The following ADCYAP1R1 variants were observed in gnomAD, a reference collection of about 807,000 sequenced individuals.
The protein encoded by ADCYAP1R1 is ADCYAP receptor type I.
In ADCYAP1R1, 44 loss-of-function variants were observed where a neutral mutation model predicts 67.6. That is an observed-to-expected ratio of 0.65 (90% CI 0.51 to 0.84). ADCYAP1R1 has a LOEUF of 0.84. Ranked by LOEUF, ADCYAP1R1 falls within the 40% of genes least tolerant of loss-of-function variation. The pLI is 0.00. For missense variants in ADCYAP1R1, 477 were observed against 587.9 expected, an observed-to-expected ratio of 0.81 and a Z score of 1.95; for synonymous variants, 222 against 219.6, an observed-to-expected ratio of 1.01 and a Z score of -0.10.
intron 1 of ADCYAP1R1, among the ~76,000 whole-genome samples, chr7:31,057,795 C>T (rs1194785558): frequency 1.3e-5 from 2 of 152,286 alleles, no homozygotes; most frequent in African/African-American, 4.8e-5. Context: ...GAAGTAGGGG[C>T]GGTCCAGCTC....
intron 7 of ADCYAP1R1, 97 bp from the exon 8 acceptor site, chr7:31,084,640 G>A (rs1795661344): frequency 1.0e-6 from 1 of 968,938 alleles, no homozygotes; most frequent in Non-Finnish European, 1.7e-6. Context: ...CCTGGAGGTG[G>A]GCAGGCCCTG....
chr7:31,053,795 G>A (rs1015250719), intron 1 of ADCYAP1R1, among the ~76,000 whole-genome samples: 2 of 152,194 alleles, frequency 1.3e-5, no homozygotes, highest in African/African-American at 4.8e-5. Context: ...GAGGAGTTGG[G>A]GGATGGGAAG....
intron 1 of ADCYAP1R1, among the ~76,000 whole-genome samples, chr7:31,055,006 A>T (rs1266926739): frequency 1.3e-5 from 2 of 152,350 alleles, no homozygotes; most frequent in South Asian, 4.1e-4. Flanking sequence ...CCGCCTGGCA[A>T]GATGGAGACT....
intron 3 of ADCYAP1R1, among the ~76,000 whole-genome samples, chr7:31,076,875 G>A (rs1186833704): frequency 1.3e-5 from 2 of 152,126 alleles, no homozygotes; most frequent in Admixed American, 1.3e-4. Flanking sequence ...AGGGGCTAGG[G>A]TGGGCATGTG....
intron 1 of ADCYAP1R1, among the ~76,000 whole-genome samples, chr7:31,060,073 C>G (rs114528998): frequency 0.032 from 4,927 of 151,796 alleles, 262 homozygotes; most frequent in African/African-American, 0.11. Flanking sequence ...ACACACCTGT[C>G]TCCTAGTAAG....
intron 3 of ADCYAP1R1, among the ~76,000 whole-genome samples, chr7:31,076,079 T>C (rs1464206994): frequency 6.6e-6 from 1 of 152,196 alleles, no homozygotes; most frequent in Non-Finnish European, 1.5e-5. Flanking sequence ...AGCAGGCAAC[T>C]AGCTGTGGGC....
chr7:31,060,238 G>C (rs1794441447), intron 1 of ADCYAP1R1, among the ~76,000 whole-genome samples: 1 of 152,204 alleles, frequency 6.6e-6, no homozygotes, highest in Non-Finnish European at 1.5e-5. Context: ...ATGTGTGCGT[G>C]CATGTACACA....
At chr7:31,095,326 G>A (rs1411059420) in intron 13 of ADCYAP1R1, among the ~76,000 whole-genome samples, 2 of 152,148 alleles carry the variant, frequency 1.3e-5, no homozygotes, top group African/African-American at 2.4e-5. Context: ...TGACAGCACC[G>A]TCATCCCTGT....
chr7:31,091,516 G>A (rs749652464), intron 12 of ADCYAP1R1, among the ~76,000 whole-genome samples: 32 of 152,078 alleles, frequency 2.1e-4, no homozygotes, highest in Non-Finnish European at 4.6e-4. Context: ...GTGGTTCCTA[G>A]GTTTTCTTCT....
At chr7:31,099,949 C>T (rs1391991129) in intron 13 of ADCYAP1R1, among the ~76,000 whole-genome samples, 6 of 152,224 alleles carry the variant, frequency 3.9e-5, no homozygotes, top group South Asian at 2.1e-4. Context: ...CACGTATAGG[C>T]GTGCGTTTCT....
At chr7:31,090,991 C>T (rs1387339509) in intron 12 of ADCYAP1R1, among the ~76,000 whole-genome samples, 4 of 152,222 alleles carry the variant, frequency 2.6e-5, no homozygotes, top group Admixed American at 6.5e-5. Context: ...TGAGAAATCT[C>T]CAAACTACTT....
At chr7:31,079,468 G>A (rs757914039) in intron 4 of ADCYAP1R1, among the ~76,000 whole-genome samples, 30 of 152,248 alleles carry the variant, frequency 2.0e-4, no homozygotes, top group Non-Finnish European at 2.6e-4. Context: ...TCCAGCCTAA[G>A]GCTTAGGCTG....
At chr7:31,101,120 C>G (rs1796416780) in intron 13 of ADCYAP1R1, among the ~76,000 whole-genome samples, 1 of 152,192 alleles carries the variant, frequency 6.6e-6, no homozygotes, top group Non-Finnish European at 1.5e-5. Context: ...GCCAAAGTGG[C>G]CACCGGGATG....
At chr7:31,097,613 A>G (rs1359563772) in intron 13 of ADCYAP1R1, among the ~76,000 whole-genome samples, 3 of 152,152 alleles carry the variant, frequency 2.0e-5, no homozygotes, top group Admixed American at 2.0e-4. Flanking sequence ...TTTCCCAGTG[A>G]ACTTGTCACT....
intron 12 of ADCYAP1R1, among the ~76,000 whole-genome samples, chr7:31,090,550 T>C (rs1795923581): frequency 1.3e-5 from 2 of 152,192 alleles, no homozygotes; most frequent in African/African-American, 2.4e-5. Context: ...ACAGTTAGTT[T>C]TTCATCCCTT....
chr7:31,069,500 A>T (rs942374635), intron 3 of ADCYAP1R1, among the ~76,000 whole-genome samples: 3 of 152,178 alleles, frequency 2.0e-5, no homozygotes, highest in South Asian at 2.1e-4. Flanking sequence ...ATATACTTGT[A>T]TATATTTTGT....
chr7:31,089,957 T>C (rs1795898152), intron 12 of ADCYAP1R1, among the ~76,000 whole-genome samples: 1 of 152,214 alleles, frequency 6.6e-6, no homozygotes, highest in South Asian at 2.1e-4. Context: ...GGTACACGTG[T>C]GTGTGTATCT....
intron 13 of ADCYAP1R1, among the ~76,000 whole-genome samples, chr7:31,094,726 G>A (rs1207840195): frequency 1.3e-5 from 2 of 152,092 alleles, no homozygotes; most frequent in African/African-American, 4.8e-5. Flanking sequence ...GGTTCTCCAC[G>A]GACCAGGAGC....
At position 31,052,340 on chromosome 7, in the gene ADCYAP1R1, C is replaced by G. The variant is rs1340960595; in HGVS notation, c.-410C>G. 1.3e-5 allele frequency: 2 copies of G among 152,034 alleles called. No homozygotes were observed. The highest frequency in any genetic ancestry group is 1.5e-5 in the Non-Finnish European group (1 of 67,980). The allele number at this position is 152,034 out of a possible 1,614,324, so 9.4% of individuals were successfully genotyped here. A position where few individuals can be genotyped will look rare whatever the true frequency, so the allele number is the denominator to read the frequency against. On this transcript the variant is annotated 5_prime_UTR_variant, in exon 1 of 16. Transcript: ENST00000304166. ...TCCAGCGCCCAGCCTGGCTTCGCGG[C>G]GGAGGCGGCGCCTCTCCCGCAGGAC...
Sources: gnomAD v4.1 joint callset for allele counts (sites outside exome capture counted in the v4.1 genomes callset) on GRCh38, gnomAD v4.1.1 for gene constraint, MANE v1.5 for transcripts, NCBI Gene and HGNC (gene_info 2026-07-23, HGNC 2026-07-21) for gene names.